USP5: variants seen among roughly 807,000 people sequenced by gnomAD.
USP5 encodes ubiquitin specific peptidase 5.
A neutral mutation model predicts 102.5 loss-of-function variants in USP5; 24 were observed. The ratio of observed to expected loss-of-function variants is 0.23; its 90% CI spans 0.17 to 0.33. The LOEUF (loss-of-function observed/expected upper bound fraction) is 0.33. USP5 is among the 10% of genes least tolerant of loss of function. USP5 has a pLI of 1.00. For synonymous variants in USP5, 460 were observed against 434.8 expected (o/e 1.06, Z -0.72); for missense variants, 753 against 1,122.1 (o/e 0.67, Z 4.70).
Position 6,861,668 on chromosome 12 carries a change from C to T in USP5, c.1673+51C>T. The T allele has an allele frequency of 2.8e-6, 4 of 1,436,762 alleles. No individual in the cohort carries two copies. The highest frequency in any genetic ancestry group is 3.7e-6 in the Non-Finnish European group (4 of 1,090,218). 89.0% of individuals were successfully genotyped at this position (1,436,762 alleles called of 1,614,324 possible). A position where few individuals can be genotyped will look rare whatever the true frequency, so the allele number is the denominator to read the frequency against. ...GCTGTGGGTCTATGGCAGAGCTATC[C>T]CAGAGGATACTTCTGTCTCTTCCCT... On this transcript the variant is annotated intron_variant, in intron 13 of 19. Coordinates refer to ENST00000229268, the MANE Select transcript of USP5 (RefSeq NM_001098536.2). The surrounding 1 kb of genome is among the most constrained non-coding windows in gnomAD (Gnocchi z 4.9).
rs1437102631 is a variant in USP5 at position 6,861,384 on chromosome 12, G to C, written c.1499-59G>C. 2.6e-5 allele frequency: 39 copies of C among 1,512,712 alleles called. No homozygotes were observed. The highest frequency in any genetic ancestry group is 3.2e-5 in the Non-Finnish European group (36 of 1,124,128). The allele number at this position is 1,512,712 out of a possible 1,614,324, so 93.7% of individuals were successfully genotyped here. A position where few individuals can be genotyped will look rare whatever the true frequency, so the allele number is the denominator to read the frequency against. On this transcript the variant is annotated intron_variant, in intron 12 of 19. Transcript: ENST00000229268. This position sits in a 1 kb window ranked among gnomAD's most constrained non-coding sequence, Gnocchi z 4.9. ...ACGGACACAGAGCCAGTAGGGAGAGGCTAAGGAGGCAAAGAAGCAGCACCC... is the reference window on the plus strand; with the variant it reads ...ACGGACACAGAGCCAGTAGGGAGAGCCTAAGGAGGCAAAGAAGCAGCACCC...
chr12:6,865,824 G>T (rs1555130747), intron 19 of USP5, among the ~76,000 whole-genome samples, 160 bp from the exon 20 acceptor site: 6 of 152,194 alleles, frequency 3.9e-5, no homozygotes. Context: ...CCCTTGTGAG[G>T]TTGTGAAGCT....
In USP5 at chr12:6,856,769, C is replaced by T; in HGVS notation, c.647C>T (p.Ser216Phe). ...ENLWLNLTDG[S>F]ILCGRRYFDG... ...CTGTGGCTCAACCTGACTGATGGCTCCATCCTCTGTGGGCGACGCTACTTC... is the reference window on the plus strand; with the variant it reads ...CTGTGGCTCAACCTGACTGATGGCTTCATCCTCTGTGGGCGACGCTACTTC... The change falls in exon 6 of 20, where the codon TCC (serine) becomes TTC (phenylalanine). Residue 216 changes from serine to phenylalanine, a missense_variant. Transcript: ENST00000229268. This position sits in a 1 kb window ranked among gnomAD's most constrained non-coding sequence, Gnocchi z 5.6. 4 of 1,614,084 alleles carry T rather than the reference C, an allele frequency of 2.5e-6. No individual in the cohort carries two copies. The highest frequency in any genetic ancestry group is 1.1e-5 in the South Asian group (1 of 91,076).
Position 6,864,985 on chromosome 12 carries a change from C to A in USP5, c.2398+110C>A. 2 of 1,461,280 alleles carry A rather than the reference C, an allele frequency of 1.4e-6. No individual in the cohort carries two copies. The highest frequency in any genetic ancestry group is 1.8e-6 in the Non-Finnish European group (2 of 1,087,786). 90.5% of individuals were successfully genotyped at this position (1,461,280 alleles called of 1,614,324 possible). On this transcript the variant is annotated intron_variant, in intron 18 of 19. Coordinates refer to ENST00000229268, the MANE Select transcript of USP5 (RefSeq NM_001098536.2). This position sits in a 1 kb window ranked among gnomAD's most constrained non-coding sequence, Gnocchi z 4.8. Reference sequence around the variant, plus strand: ...TCCTCAGGAGTCAGGGGCTTCTTTCCACCTCAACGTGGCATCTGAGGGTGG... The same window carrying A: ...TCCTCAGGAGTCAGGGGCTTCTTTCAACCTCAACGTGGCATCTGAGGGTGG...
In USP5 at chr12:6,856,553, G is replaced by A; in HGVS notation, c.584+103G>A. 1 of 1,546,480 alleles carries A rather than the reference G, an allele frequency of 6.5e-7. No individual in the cohort carries two copies. Among genetic ancestry groups the A allele is most frequent in the Non-Finnish European group, 8.7e-7 (1 of 1,148,758 alleles). ...GGAGAGAGGGTAGGGAGCAGGACAG[G>A]AAGGGAAGCTTGGAAATGAACACGA... is the stretch of plus-strand genomic sequence containing the variant. On this transcript the variant is annotated intron_variant, in intron 5 of 19. Transcript: ENST00000229268. This position sits in a 1 kb window ranked among gnomAD's most constrained non-coding sequence, Gnocchi z 5.6.
In USP5 at chr12:6,860,982, T is replaced by C; in HGVS notation, c.1374T>C (p.Asn458=). 1 of 1,614,152 alleles carries C rather than the reference T, an allele frequency of 6.2e-7. No individual in the cohort carries two copies. Among genetic ancestry groups the C allele is most frequent in the Admixed American group, 1.7e-5 (1 of 60,020 alleles). ...ERNCRSSENP[N]EVFRFLVEEK... ...ATTGCCGGAGCTCTGAAAATCCTAATGAAGTGTTCCGCTTCTTGGTGGAGG... is the reference window on the plus strand; with the variant it reads ...ATTGCCGGAGCTCTGAAAATCCTAACGAAGTGTTCCGCTTCTTGGTGGAGG... Residue 458 remains asparagine (N), a synonymous_variant, in exon 12 of 20, where the codon AAT becomes AAC. Coordinates refer to ENST00000229268, the MANE Select transcript of USP5 (RefSeq NM_001098536.2). This position sits in a 1 kb window ranked among gnomAD's most constrained non-coding sequence, Gnocchi z 5.5.
chr12:6,855,519 G>A lies in USP5; in HGVS notation c.230G>A (p.Arg77Gln), dbSNP rs782574953. 1.7e-5 allele frequency: 28 copies of A among 1,614,000 alleles called. No individual in the cohort carries two copies. The highest frequency in any genetic ancestry group is 6.6e-5 in the South Asian group (6 of 91,078). Reference sequence around the variant, plus strand: ...GTCTACTTGCACCTCCGGCGGACCCGGCGCCCGGTAGGAGCAGGGCTGGGG... The same window carrying A: ...GTCTACTTGCACCTCCGGCGGACCCAGCGCCCGGTAGGAGCAGGGCTGGGG... ...QRVYLHLRRT[R>Q]RPKEEDPATG... Residue 77 changes from arginine (R) to glutamine (Q), a missense_variant, in exon 2 of 20, where the codon CGG becomes CAG. Arg to Gln is a conservative substitution (Grantham distance 43). Transcript: ENST00000229268. This position sits in a 1 kb window ranked among gnomAD's most constrained non-coding sequence, Gnocchi z 4.6.
chr12:6,858,305 C>A lies in USP5; in HGVS notation c.865-119C>A. ...ACTCAACATACCTCCCATGTTTGAG[C>A]CTGTAATTCCACAAATTCTAGGCCA... On this transcript the variant is annotated intron_variant, in intron 7 of 19. Transcript: ENST00000229268. The surrounding 1 kb of genome is among the most constrained non-coding windows in gnomAD (Gnocchi z 4.2). 9.6e-7 allele frequency: 1 copy of A among 1,046,662 alleles called. No homozygotes were observed. The highest frequency in any genetic ancestry group is 1.4e-6 in the Non-Finnish European group (1 of 729,926). The allele number at this position is 1,046,662 out of a possible 1,614,324, so 64.8% of individuals were successfully genotyped here.
rs1322060102 is a variant in USP5 at position 6,864,552 on chromosome 12, G to A, written c.2245-170G>A. On this transcript the variant is annotated intron_variant, in intron 17 of 19. Transcript: ENST00000229268. The surrounding 1 kb of genome is among the most constrained non-coding windows in gnomAD (Gnocchi z 4.8). Reference sequence around the variant, plus strand: ...AAAATACAAAAAATTAACCAAGCGTGGTGGTGGGCGTCTGTAGTCCCAGCT... The same window carrying A: ...AAAATACAAAAAATTAACCAAGCGTAGTGGTGGGCGTCTGTAGTCCCAGCT... 1.3e-5 allele frequency among the ~76,000 whole-genome samples: 2 copies of A among 152,168 alleles called. No individual in the cohort carries two copies. Among genetic ancestry groups the A allele is most frequent in the African/African-American group, 4.8e-5 (2 of 41,436 alleles).
In USP5 at chr12:6,865,174, C is replaced by G; in HGVS notation, c.2409C>G (p.Leu803=). 6.2e-7 allele frequency: 1 copy of G among 1,613,686 alleles called. No homozygotes were observed. The highest frequency in any genetic ancestry group is 8.5e-7 in the Non-Finnish European group (1 of 1,179,568). ...TCTCTCCTTTCCTAGAGTATCAGCT[C>G]TTTGCCTTCATTAGTCACATGGGCA... ...KVRDGPGKYQ[L]FAFISHMGTS... The change falls in exon 19 of 20, where the codon CTC becomes CTG. Residue 803 remains leucine (L), a synonymous_variant. Transcript: ENST00000229268.
chr12:6,860,908 G>A lies in USP5; in HGVS notation c.1345-45G>A, dbSNP rs1555129379. On this transcript the variant is annotated intron_variant, in intron 11 of 19. Transcript: ENST00000229268. This position sits in a 1 kb window ranked among gnomAD's most constrained non-coding sequence, Gnocchi z 5.5. ...CCATGAACCTTTCAGGCCCCATTCTGTTCCCTGGCTGCCCAGACCTCCCTA... is the reference window on the plus strand; with the variant it reads ...CCATGAACCTTTCAGGCCCCATTCTATTCCCTGGCTGCCCAGACCTCCCTA... 2 of 1,610,480 alleles carry A rather than the reference G, an allele frequency of 1.2e-6. No homozygotes were observed. Among genetic ancestry groups the A allele is most frequent in the East Asian group, 2.2e-5 (1 of 44,846 alleles).
Position 6,866,306 on chromosome 12 carries a change from G to C in USP5, c.*229G>C. ...GACGGGAGGGGCCGGCCACCTGTCTGTAAGGAGACTTTGTTGCTTCCCCTG... is the reference window on the plus strand; with the variant it reads ...GACGGGAGGGGCCGGCCACCTGTCTCTAAGGAGACTTTGTTGCTTCCCCTG... On this transcript the variant is annotated 3_prime_UTR_variant, in exon 20 of 20. Coordinates refer to ENST00000229268, the MANE Select transcript of USP5 (RefSeq NM_001098536.2). The surrounding 1 kb of genome is among the most constrained non-coding windows in gnomAD (Gnocchi z 4.7). 3.8e-6 allele frequency: 2 copies of C among 527,504 alleles called. No individual in the cohort carries two copies. The highest frequency in any genetic ancestry group is 5.2e-5 in the South Asian group (2 of 38,820). 32.7% of individuals were successfully genotyped at this position (527,504 alleles called of 1,614,324 possible).
Position 6,864,878 on chromosome 12 carries a change from G to T in USP5, c.2398+3G>T, listed in dbSNP as rs782665524. ...TAAAGTCCGGGATGGTCCTGGAAGT[G>T]AGTATCCCCAGGAAGCAGGACAGGC... On this transcript the variant is annotated splice_donor_region_variant and intron_variant, in intron 18 of 19. Transcript: ENST00000229268. The surrounding 1 kb of genome is among the most constrained non-coding windows in gnomAD (Gnocchi z 4.8). 6.2e-7 allele frequency: 1 copy of T among 1,612,852 alleles called. No homozygotes were observed. Among genetic ancestry groups the T allele is most frequent in the Non-Finnish European group, 8.5e-7 (1 of 1,179,596 alleles).
intron 1 of USP5, among the ~76,000 whole-genome samples, chr12:6,853,427 C>T (rs1944005896): frequency 6.6e-6 from 1 of 152,232 alleles, no homozygotes; most frequent in Non-Finnish European, 1.5e-5. Flanking sequence ...TGAAGTCTGG[C>T]TTTGGCAGAG....
At position 6,858,339 on chromosome 12, in the gene USP5, TATC is replaced by T; in HGVS notation, c.865-81_865-79del. 1 of 1,407,554 alleles carries T rather than the reference TATC, an allele frequency of 7.1e-7. No individual in the cohort carries two copies. Among genetic ancestry groups the T allele is most frequent in the African/African-American group, 1.4e-5 (1 of 71,162 alleles). 87.2% of individuals were successfully genotyped at this position (1,407,554 alleles called of 1,614,324 possible). Reference sequence around the variant, plus strand: ...CCACAAATTCTAGGCCACAGTTGAGTATCATCCTAGACTCAGTGAGAGATCGAG... The same window carrying T: ...CCACAAATTCTAGGCCACAGTTGAGTATCCTAGACTCAGTGAGAGATCGAG... On this transcript the variant is annotated intron_variant, in intron 7 of 19. Coordinates refer to ENST00000229268, the MANE Select transcript of USP5 (RefSeq NM_001098536.2). The surrounding 1 kb of genome is among the most constrained non-coding windows in gnomAD (Gnocchi z 4.2).
rs782784318 is a variant in USP5 at position 6,864,174 on chromosome 12, C to T, written c.2223C>T (p.Ala741=). 5.6e-6 allele frequency: 9 copies of T among 1,611,214 alleles called. No homozygotes were observed. The East Asian group carries it at 2.0e-4, about 36-fold the overall frequency. Residue 741 remains alanine (A), a synonymous_variant, in exon 17 of 20, where the codon GCC becomes GCT. Transcript: ENST00000229268. The surrounding 1 kb of genome is among the most constrained non-coding windows in gnomAD (Gnocchi z 4.8). ...IVSMGFSRDQ[A]LKALRATNNS... ...CCATGGGCTTCTCCCGGGACCAGGC[C>T]TTGAAAGCGCTGCGGGCCACGGTAT...
Position 6,858,464 on chromosome 12 carries a change from A to G in USP5, c.905A>G (p.Gln302Arg), listed in dbSNP as rs1372448441. 1 of 1,611,400 alleles carries G rather than the reference A, an allele frequency of 6.2e-7. No individual in the cohort carries two copies. The highest frequency in any genetic ancestry group is 8.5e-7 in the Non-Finnish European group (1 of 1,177,728). The change falls in exon 8 of 20, where the codon CAG becomes CGG. Residue 302 changes from glutamine to arginine, a missense_variant. Physicochemically the swap from Gln to Arg is conservative, Grantham distance 43. This residue lies in a region of USP5 where 527 missense variants were observed against 816.5 expected (regional missense o/e 0.65). Transcript: ENST00000229268. This position sits in a 1 kb window ranked among gnomAD's most constrained non-coding sequence, Gnocchi z 4.2. Reference protein sequence around the residue: ...TMTELEIDMNQRIGEWELIQE... With the variant: ...TMTELEIDMNRRIGEWELIQE... ...ACTGAGTTGGAGATAGACATGAACC[A>G]GCGGATTGGTGAATGGGAGCTGATC...
rs782628367 is a variant in USP5 at position 6,862,473 on chromosome 12, C to T, written c.1677C>T (p.Thr559=). Residue 559 remains threonine, a synonymous_variant, in exon 14 of 20, where the codon ACC becomes ACT. Transcript: ENST00000229268. ...ALQAKSVAVK[T]TRFASFPDYL... is the part of the protein sequence containing the mutation. Reference sequence around the variant, plus strand: ...CAGCACAGTCTCTCTTCCCTAGGACCACACGATTTGCCTCATTCCCTGACT... The same window carrying T: ...CAGCACAGTCTCTCTTCCCTAGGACTACACGATTTGCCTCATTCCCTGACT... 6.2e-7 allele frequency: 1 copy of T among 1,613,958 alleles called. No individual in the cohort carries two copies. The highest frequency in any genetic ancestry group is 8.5e-7 in the Non-Finnish European group (1 of 1,179,864).
rs782315188 is a variant in USP5, at chr12:6,860,275, T to C, written c.1218+37T>C. 6.2e-7 allele frequency: 1 copy of C among 1,610,878 alleles called. No homozygotes were observed. Among genetic ancestry groups the C allele is most frequent in the Non-Finnish European group, 8.5e-7 (1 of 1,177,764 alleles). On this transcript the variant is annotated intron_variant, in intron 10 of 19. Coordinates refer to ENST00000229268, the MANE Select transcript of USP5 (RefSeq NM_001098536.2). The surrounding 1 kb of genome is among the most constrained non-coding windows in gnomAD (Gnocchi z 5.5). Reference sequence around the variant, plus strand: ...ACCCTGTCCCTTTCAGGCCCTGGGATTGTGGGGAAGCTGAGGTCTGGGAGA... The same window carrying C: ...ACCCTGTCCCTTTCAGGCCCTGGGACTGTGGGGAAGCTGAGGTCTGGGAGA...
Sources: allele counts gnomAD v4.1 joint callset (sites outside exome capture counted in the v4.1 genomes callset), GRCh38; gene constraint gnomAD v4.1.1; regional missense constraint gnomAD v4.1.1; non-coding constraint Gnocchi (gnomAD v3.1); transcripts MANE v1.5; gene names NCBI Gene and HGNC (gene_info 2026-07-23, HGNC 2026-07-21).